The following LIN28B variants were observed in gnomAD, a reference collection of about 807,000 sequenced individuals.
The protein encoded by LIN28B is lin-28 RNA binding posttranscriptional regulator B.
LIN28B carries 5 observed loss-of-function variants against 21.9 expected under a neutral mutation model. The ratio of observed to expected loss-of-function variants is 0.23; its 90% CI spans 0.12 to 0.48. The LOEUF (loss-of-function observed/expected upper bound fraction) is 0.48. Among genes scored for constraint, LIN28B ranks in the 20% least tolerant of loss-of-function variants. The probability of loss-of-function intolerance (pLI) is 0.98; values close to 1 mark genes in which losing one functional copy is unlikely to be tolerated. For synonymous variants in LIN28B, 109 were observed against 111.3 expected (o/e 0.98, Z 0.13); for missense variants, 245 against 310.5 (o/e 0.79, Z 1.58).
chr6:105,007,968 A>G (rs567810328), intron 2 of LIN28B, among the ~76,000 whole-genome samples: 2 of 152,232 alleles, frequency 1.3e-5, no homozygotes, highest in South Asian at 2.1e-4. Flanking sequence ...ATAAATTGTT[A>G]TATGTTGTCA....
chr6:104,986,305 G>A (rs947960792), intron 2 of LIN28B, among the ~76,000 whole-genome samples: 10 of 152,110 alleles, frequency 6.6e-5, no homozygotes, highest in Non-Finnish European at 1.2e-4. Context: ...CTAGTTTCAG[G>A]TTATTTGTTT....
intron 2 of LIN28B, among the ~76,000 whole-genome samples, chr6:105,019,075 A>G (rs1431962298): frequency 6.6e-6 from 1 of 151,694 alleles, no homozygotes; most frequent in Middle Eastern, 3.2e-3. Flanking sequence ...CTTCCCTAGT[A>G]GCTGGGATTA....
At chr6:104,960,727 C>T (rs1380567585) in intron 2 of LIN28B, among the ~76,000 whole-genome samples, 1 of 151,862 alleles carries the variant, frequency 6.6e-6, no homozygotes, top group East Asian at 1.9e-4. Flanking sequence ...ACCTAGGATA[C>T]TTTTTCTCTT....
intron 3 of LIN28B, among the ~76,000 whole-genome samples, chr6:105,073,895 TTTGAAAATATAATC>T (rs768479545): frequency 3.3e-5 from 5 of 152,236 alleles, no homozygotes. Flanking sequence ...GCTGATATCA[TTTGAAAATATAATC>T]TGCTTATTCA....
At chr6:105,002,046 A>G (rs1770730316) in intron 2 of LIN28B, among the ~76,000 whole-genome samples, 1 of 152,088 alleles carries the variant, frequency 6.6e-6, no homozygotes, top group African/African-American at 2.4e-5. Context: ...CAGCAACTTT[A>G]GTGAAAGAAT....
At chr6:104,996,183 C>T (rs369065) in intron 2 of LIN28B, among the ~76,000 whole-genome samples, 95,542 of 151,954 alleles carry the variant, frequency 0.63, 30,430 homozygotes, top group South Asian at 0.71. Flanking sequence ...TTGCTCTGGA[C>T]TGGATGCCAT....
intron 3 of LIN28B, among the ~76,000 whole-genome samples, chr6:105,040,733 G>C (rs1348146970): frequency 2.6e-5 from 4 of 151,968 alleles, no homozygotes; most frequent in African/African-American, 4.8e-5. Context: ...AAATTGTCCA[G>C]AGCTTTCTCA....
intron 2 of LIN28B, among the ~76,000 whole-genome samples, chr6:104,991,878 G>A (rs1303371490): frequency 6.6e-6 from 1 of 152,158 alleles, no homozygotes; most frequent in Non-Finnish European, 1.5e-5. Flanking sequence ...CGGGGTGGCG[G>A]CGTGCGCCTG....
chr6:104,938,494 C>T (rs1298502326), intron 2 of LIN28B, among the ~76,000 whole-genome samples: 2 of 151,804 alleles, frequency 1.3e-5, no homozygotes, highest in South Asian at 2.1e-4. Context: ...CAAAAATTAG[C>T]TGCGTGTGGT....
intron 3 of LIN28B, among the ~76,000 whole-genome samples, chr6:105,063,310 A>T (rs879585245): frequency 1.3e-5 from 2 of 152,132 alleles, no homozygotes; most frequent in African/African-American, 2.4e-5. Context: ...GCTGTGTTCA[A>T]TGTAAGGTTA....
chr6:104,974,438 A>G (rs1167836189), intron 2 of LIN28B, among the ~76,000 whole-genome samples: 2 of 151,226 alleles, frequency 1.3e-5, no homozygotes, highest in East Asian at 3.9e-4. Context: ...GCAGTGAGCC[A>G]ATATCATGCC....
intron 2 of LIN28B, among the ~76,000 whole-genome samples, chr6:105,019,734 A>C (rs1025053646): frequency 3.9e-5 from 6 of 152,216 alleles, no homozygotes; most frequent in Non-Finnish European, 8.8e-5. Context: ...GTCAGCACTC[A>C]AACTTCTAGA....
At chr6:104,950,661 C>T (rs1365764268) in intron 3 of LIN28B, among the ~76,000 whole-genome samples, 1 of 152,010 alleles carries the variant, frequency 6.6e-6, no homozygotes, top group Non-Finnish European at 1.5e-5. Context: ...TATACTTCGT[C>T]CTGATCACTC....
At chr6:105,025,073 G>A (rs557377938) in intron 2 of LIN28B, among the ~76,000 whole-genome samples, 3 of 152,102 alleles carry the variant, frequency 2.0e-5, no homozygotes, top group South Asian at 2.1e-4. Flanking sequence ...CCTTTTTCTC[G>A]TGGTCTTGTT....
At chr6:105,027,117 C>T (rs772906039) in intron 3 of LIN28B, among the ~76,000 whole-genome samples, 2 of 151,898 alleles carry the variant, frequency 1.3e-5, no homozygotes, top group Non-Finnish European at 2.9e-5. Context: ...TCAATAACAC[C>T]ACTGTGGGAA....
chr6:104,974,094 T>C (rs546258035), intron 2 of LIN28B, among the ~76,000 whole-genome samples: 3 of 152,190 alleles, frequency 2.0e-5, no homozygotes, highest in Non-Finnish European at 4.4e-5. Flanking sequence ...AATAGGCTAA[T>C]AATGAAAATA....
At chr6:105,009,580 T>A (rs180910601) in intron 2 of LIN28B, among the ~76,000 whole-genome samples, 2 of 152,296 alleles carry the variant, frequency 1.3e-5, no homozygotes, top group Admixed American at 1.3e-4. Flanking sequence ...GTAGACACAC[T>A]TTTGTTGATT....
chr6:105,012,306 A>G (rs567318855), intron 2 of LIN28B, among the ~76,000 whole-genome samples: 3 of 151,508 alleles, frequency 2.0e-5, no homozygotes, highest in African/African-American at 7.3e-5. Flanking sequence ...TGTCTCTACT[A>G]AAAAATACGA....
At chr6:104,963,087 G>A (rs968357055) in intron 2 of LIN28B, among the ~76,000 whole-genome samples, 7 of 151,866 alleles carry the variant, frequency 4.6e-5, no homozygotes, top group African/African-American at 1.7e-4. Flanking sequence ...TGGCTCTGTC[G>A]CCCAGGTTGG....
Sources: gnomAD v4.1 joint callset for allele counts (sites outside exome capture counted in the v4.1 genomes callset) on GRCh38, gnomAD v4.1.1 for gene constraint, MANE v1.5 for transcripts, NCBI Gene and HGNC (gene_info 2026-07-23, HGNC 2026-07-21) for gene names.